The following SDK1 variants were observed in gnomAD, a reference collection of about 807,000 sequenced individuals.
SDK1 encodes the protein sidekick cell adhesion molecule 1.
In SDK1, 157 loss-of-function variants were observed where a neutral mutation model predicts 245.5. The ratio of observed to expected loss-of-function variants is 0.64; its 90% CI spans 0.56 to 0.73. The LOEUF (loss-of-function observed/expected upper bound fraction) is 0.73. Among genes scored for constraint, SDK1 ranks in the 30% least tolerant of loss-of-function variants. SDK1 has a pLI of 0.00. For synonymous variants in SDK1, 1,647 were observed against 1,278.5 expected, an observed-to-expected ratio of 1.29 and a Z score of -6.15; for missense variants, 3,583 against 3,002.3, an observed-to-expected ratio of 1.19 and a Z score of -4.52.
chr7:3,334,031 C>T (rs1169007757), intron 1 of SDK1, among the ~76,000 whole-genome samples: 2 of 152,180 alleles, frequency 1.3e-5, no homozygotes, highest in Non-Finnish European at 2.9e-5. Flanking sequence ...TCTCTCCCCA[C>T]TTAGTTCAGT....
At chr7:3,826,413 A>G (rs1449408171) in intron 5 of SDK1, among the ~76,000 whole-genome samples, 1 of 152,190 alleles carries the variant, frequency 6.6e-6, no homozygotes, top group Non-Finnish European at 1.5e-5. Flanking sequence ...AAAAATTCTT[A>G]TGACATCTGG....
intron 25 of SDK1, among the ~76,000 whole-genome samples, chr7:4,114,849 A>T (rs1216430401): frequency 6.6e-6 from 1 of 152,160 alleles, no homozygotes; most frequent in Non-Finnish European, 1.5e-5. Context: ...AGCAGGGAAA[A>T]GAAGGCAAAG....
chr7:3,599,953 T>C (rs1781203481), intron 1 of SDK1, among the ~76,000 whole-genome samples: 1 of 152,342 alleles, frequency 6.6e-6, no homozygotes. Context: ...ATCTTGTATA[T>C]ATCTATAATT....
At chr7:3,505,790 G>A (rs957328523) in intron 1 of SDK1, among the ~76,000 whole-genome samples, 1 of 152,128 alleles carries the variant, frequency 6.6e-6, no homozygotes, top group Non-Finnish European at 1.5e-5. Flanking sequence ...TTTTGAGTAT[G>A]CACATTCTGC....
intron 4 of SDK1, among the ~76,000 whole-genome samples, chr7:3,729,322 T>C (rs1334479515): frequency 6.6e-6 from 1 of 152,234 alleles, no homozygotes; most frequent in Non-Finnish European, 1.5e-5. Context: ...ACTTAATGGT[T>C]CTGTTGTTGA....
chr7:3,717,736 A>G (rs1219535763), intron 4 of SDK1, among the ~76,000 whole-genome samples: 2 of 152,224 alleles, frequency 1.3e-5, no homozygotes, highest in South Asian at 4.1e-4. Flanking sequence ...ATATAACCTG[A>G]ATAGTCTTAA....
intron 5 of SDK1, among the ~76,000 whole-genome samples, chr7:3,823,870 T>G (rs1170044867): frequency 2.0e-5 from 3 of 152,166 alleles, no homozygotes; most frequent in Non-Finnish European, 4.4e-5. Context: ...CTTATTTTAA[T>G]TCTTAGGAGA....
At chr7:4,189,722 A>G (rs1783083021) in intron 35 of SDK1, among the ~76,000 whole-genome samples, 1 of 152,170 alleles carries the variant, frequency 6.6e-6, no homozygotes. Context: ...CCCAGGAAGC[A>G]GAGGTTGTAG....
intron 27 of SDK1, 30 bp downstream of exon 27, chr7:4,130,127 C>T: frequency 6.5e-7 from 1 of 1,538,928 alleles, no homozygotes; most frequent in Non-Finnish European, 8.8e-7. Flanking sequence ...CTTCGGGAGC[C>T]TTGCTGCCTC....
intron 1 of SDK1, among the ~76,000 whole-genome samples, chr7:3,496,262 G>C (rs774193820): frequency 6.6e-6 from 1 of 152,126 alleles, no homozygotes; most frequent in Admixed American, 6.5e-5. Context: ...TCCCAGGATA[G>C]TGTCTGGTGT....
At chr7:3,709,005 T>C (rs547435391) in intron 4 of SDK1, among the ~76,000 whole-genome samples, 51 of 152,334 alleles carry the variant, frequency 3.3e-4, no homozygotes, top group Middle Eastern at 6.8e-3. Context: ...ATACTTTATT[T>C]TATTTATTGC....
chr7:4,051,271 A>G (rs1789457690), intron 18 of SDK1, among the ~76,000 whole-genome samples: 1 of 145,032 alleles, frequency 6.9e-6, no homozygotes, highest in Admixed American at 7.1e-5. Flanking sequence ...TATATATAAT[A>G]TATACTTTTT....
chr7:3,317,114 A>G (rs906571717), intron 1 of SDK1, among the ~76,000 whole-genome samples: 2 of 144,422 alleles, frequency 1.4e-5, no homozygotes, highest in Non-Finnish European at 3.0e-5. Context: ...CTGGGAGGTC[A>G]AGTCTGCAGT....
chr7:3,748,745 T>C (rs1215523099), intron 4 of SDK1, among the ~76,000 whole-genome samples: 1 of 152,204 alleles, frequency 6.6e-6, no homozygotes, highest in East Asian at 1.9e-4. Context: ...TTCATTTGAC[T>C]GGGAACAAAA....
At chr7:4,209,245 G>C (rs545558495) in intron 37 of SDK1, among the ~76,000 whole-genome samples, 1 of 152,342 alleles carries the variant, frequency 6.6e-6, no homozygotes, top group Admixed American at 6.5e-5. Flanking sequence ...GGCCTGGCAG[G>C]TCACAGCTGT....
At chr7:4,093,704 G>A (rs1781953877) in intron 22 of SDK1, among the ~76,000 whole-genome samples, 4 of 152,184 alleles carry the variant, frequency 2.6e-5, no homozygotes, top group South Asian at 2.1e-4. Flanking sequence ...TTGGAATGAC[G>A]CATGCCTCGG....
intron 1 of SDK1, among the ~76,000 whole-genome samples, chr7:3,379,940 C>G (rs1214420830): frequency 6.6e-6 from 1 of 152,142 alleles, no homozygotes; most frequent in Non-Finnish European, 1.5e-5. Context: ...AGATTCAAAA[C>G]CTAATCCAAA....
intron 5 of SDK1, among the ~76,000 whole-genome samples, chr7:3,851,457 T>G (rs1333869338): frequency 6.6e-6 from 1 of 152,224 alleles, no homozygotes; most frequent in Non-Finnish European, 1.5e-5. Flanking sequence ...GTAATATGCT[T>G]CTTTGCATTG....
At chr7:3,940,051 G>A (rs1363037853) in intron 5 of SDK1, among the ~76,000 whole-genome samples, 1 of 152,260 alleles carries the variant, frequency 6.6e-6, no homozygotes, top group African/African-American at 2.4e-5. Context: ...CAGAAAGCAG[G>A]TGGAGGATGG....
Sources: gnomAD v4.1 joint callset for allele counts (sites outside exome capture counted in the v4.1 genomes callset) on GRCh38, gnomAD v4.1.1 for gene constraint, MANE v1.5 for transcripts, NCBI Gene and HGNC (gene_info 2026-07-23, HGNC 2026-07-21) for gene names.